The following CLDN8 variants were observed in gnomAD, a reference collection of about 807,000 sequenced individuals.
CLDN8 encodes claudin-8.
In CLDN8, 2 loss-of-function variants were observed where a neutral mutation model predicts 2.2. That is an observed-to-expected ratio of 0.90 (90% CI 0.37 to 2.82). CLDN8 has a LOEUF of 2.82. Among genes scored for constraint, CLDN8 ranks in the 30% most tolerant of loss-of-function variants. CLDN8 has a pLI of 0.10. For missense variants in CLDN8, 314 were observed against 280.5 expected (o/e 1.12, Z -0.85); for synonymous variants, 107 against 104.8 (o/e 1.02, Z -0.13).
In CLDN8 at chr21:30,214,562, T is replaced by C. The variant is rs761985571; in HGVS notation, c.*686A>G. ...ATGCAAAGCCCCTTGACAAAATATC[T>C]GCTTTTTAAAAATGTTAATTTAATA... On this transcript the variant is annotated 3_prime_UTR_variant, in exon 1 of 1. Coordinates refer to ENST00000399899, the MANE Select transcript of CLDN8 (RefSeq NM_199328.3). The C allele has an allele frequency of 2.0e-5, 3 of 152,136 alleles. No homozygotes were observed. Among genetic ancestry groups the C allele is most frequent in the Non-Finnish European group, 4.4e-5 (3 of 67,998 alleles). 9.4% of individuals were successfully genotyped at this position (152,136 alleles called of 1,614,324 possible).
Position 30,215,164 on chromosome 21 carries a change from T to C in CLDN8, c.*84A>G. Reference sequence around the variant, plus strand: ...GGCAGTTAAGAACAGTAAATCAAAGTTTCTTTGGGGTCCATTTTGAGAAAG... The same window carrying C: ...GGCAGTTAAGAACAGTAAATCAAAGCTTCTTTGGGGTCCATTTTGAGAAAG... On this transcript the variant is annotated 3_prime_UTR_variant, in exon 1 of 1. Transcript: ENST00000399899. The C allele has an allele frequency of 8.4e-7, 1 of 1,185,996 alleles. No individual in the cohort carries two copies. The highest frequency in any genetic ancestry group is 1.4e-5 in the South Asian group (1 of 69,548). 73.5% of individuals were successfully genotyped at this position (1,185,996 alleles called of 1,614,324 possible).
chr21:30,215,738 T>G lies in CLDN8; in HGVS notation c.188A>C (p.Gln63Pro), dbSNP rs1030402102. 6.2e-7 allele frequency: 1 copy of G among 1,614,004 alleles called. No individual in the cohort carries two copies. Residue 63 changes from glutamine (Q) to proline (P), a missense_variant, in exon 1 of 1, where the codon CAG (glutamine) becomes CCG (proline). By Grantham distance (76) the Gln-to-Pro change is moderately conservative. Coordinates refer to ENST00000399899, the MANE Select transcript of CLDN8 (RefSeq NM_199328.3). ...NCVRQANIRM[Q>P]CKIYDSLLAL... ...CAGCAGGGAATCATAGATTTTGCACTGCATCCTGATGTTAGCCTGCCTCAC... is the reference window on the plus strand; with the variant it reads ...CAGCAGGGAATCATAGATTTTGCACGGCATCCTGATGTTAGCCTGCCTCAC...
Position 30,215,515 on chromosome 21 carries a change from C to G in CLDN8, c.411G>C (p.Val137=). The change falls in exon 1 of 1, where the codon GTG becomes GTC. Residue 137 remains valine, a synonymous_variant. Transcript: ENST00000399899. ...IITGMVVLIP[V]SWVANAIIRD... Reference sequence around the variant, plus strand: ...TGATGATGGCATTGGCAACCCAGCTCACAGGGATGAGCACCACCATGCCCG... The same window carrying G: ...TGATGATGGCATTGGCAACCCAGCTGACAGGGATGAGCACCACCATGCCCG... 1 of 1,614,030 alleles carries G rather than the reference C, an allele frequency of 6.2e-7. No individual in the cohort carries two copies. Among genetic ancestry groups the G allele is most frequent in the Non-Finnish European group, 8.5e-7 (1 of 1,179,994 alleles).
Position 30,214,737 on chromosome 21 carries a change from CATTA to C in CLDN8, c.*507_*510del, listed in dbSNP as rs1978891868. On this transcript the variant is annotated 3_prime_UTR_variant, in exon 1 of 1. Coordinates refer to ENST00000399899, the MANE Select transcript of CLDN8 (RefSeq NM_199328.3). ...TTTAATCTTCATTATAAATGGAGGA[CATTA>C]ATCCCTAAGCTGTTTTTAAACAATT... 6.5e-6 allele frequency: 1 copy of C among 153,062 alleles called. No individual in the cohort carries two copies. The highest frequency in any genetic ancestry group is 1.5e-5 in the Non-Finnish European group (1 of 68,414). The allele number at this position is 153,062 out of a possible 1,614,324, so 9.5% of individuals were successfully genotyped here.
Position 30,215,306 on chromosome 21 carries a change from T to A in CLDN8, c.620A>T (p.Lys207Ile), listed in dbSNP as rs538422021. Residue 207 changes from lysine to isoleucine, a missense_variant, in exon 1 of 1, where the codon AAA becomes ATA. Physicochemically the swap from Lys to Ile is moderately radical, Grantham distance 102. Transcript: ENST00000399899. ...TGACTTCTTTCCGGTGTGATAACTT[T>A]TTTGGGTTGTGCGATGGGAAGGTAT... ...YSIPSHRTTQKSYHTGKKSPS... is the reference protein window; with the variant it reads ...YSIPSHRTTQISYHTGKKSPS... 42 of 1,614,190 alleles carry A rather than the reference T, an allele frequency of 2.6e-5. No homozygotes were observed. The East Asian group carries it at 8.9e-4, about 34-fold the overall frequency.
In CLDN8 at chr21:30,214,675, A is replaced by C. The variant is rs1325810972; in HGVS notation, c.*573T>G. The C allele has an allele frequency of 1.3e-5, 2 of 152,668 alleles. No homozygotes were observed. Among genetic ancestry groups the C allele is most frequent in the Non-Finnish European group, 2.9e-5 (2 of 68,038 alleles). 9.5% of individuals were successfully genotyped at this position (152,668 alleles called of 1,614,324 possible). On this transcript the variant is annotated 3_prime_UTR_variant, in exon 1 of 1. Coordinates refer to ENST00000399899, the MANE Select transcript of CLDN8 (RefSeq NM_199328.3). ...CTAAAAAACAGCATATCAGAAAGCC[A>C]TTCAATTTCCTTTACAATGCTGATT... is the stretch of plus-strand genomic sequence containing the variant.
In CLDN8 at chr21:30,215,338, T is replaced by A; in HGVS notation, c.588A>T (p.Arg196Ser). ...TTGTGCGATGGGAAGGTATCGAGTATCTGTAGCTACTGCTCTTTTCGTTGC... is the reference window on the plus strand; with the variant it reads ...TTGTGCGATGGGAAGGTATCGAGTAACTGTAGCTACTGCTCTTTTCGTTGC... ...FCCNEKSSSY[R>S]YSIPSHRTTQ... is the part of the protein sequence containing the mutation. Residue 196 changes from arginine (R) to serine (S), a missense_variant, in exon 1 of 1, where the codon AGA (arginine) becomes AGT (serine). Coordinates refer to ENST00000399899, the MANE Select transcript of CLDN8 (RefSeq NM_199328.3). 1 of 1,614,182 alleles carries A rather than the reference T, an allele frequency of 6.2e-7. No homozygotes were observed. Among genetic ancestry groups the A allele is most frequent in the Non-Finnish European group, 8.5e-7 (1 of 1,180,018 alleles).
rs1318260238 is a variant in CLDN8 at position 30,215,020 on chromosome 21, T to G, written c.*228A>C. The G allele has an allele frequency of 7.9e-6, 4 of 503,280 alleles. No homozygotes were observed. The highest frequency in any genetic ancestry group is 1.9e-5 in the African/African-American group (1 of 52,092). 31.2% of individuals were successfully genotyped at this position (503,280 alleles called of 1,614,324 possible). A position where few individuals can be genotyped will look rare whatever the true frequency, so the allele number is the denominator to read the frequency against. The stretch of plus-strand genomic sequence containing the variant: ...AAAAGAGTAGATGCTTGAACCACCT[T>G]AGAAAACAAATTACTATACTTTCTA... On this transcript the variant is annotated 3_prime_UTR_variant, in exon 1 of 1. Transcript: ENST00000399899.
Position 30,215,453 on chromosome 21 carries a change from T to G in CLDN8, c.473A>C (p.Lys158Thr). The stretch of plus-strand genomic sequence containing the variant: ...GTAGAGAGCTTCTCCAAGCTCACGT[T>G]TTTGGGCAACATTCACTATTGAGTT... ...FYNSIVNVAQ[K>T]RELGEALYLG... is the part of the protein sequence containing the mutation. Residue 158 changes from lysine (K) to threonine (T), a missense_variant, in exon 1 of 1, where the codon AAA becomes ACA. Lys to Thr is a moderately conservative substitution (Grantham distance 78). Transcript: ENST00000399899. 1 of 1,613,990 alleles carries G rather than the reference T, an allele frequency of 6.2e-7. No individual in the cohort carries two copies. Among genetic ancestry groups the G allele is most frequent in the Non-Finnish European group, 8.5e-7 (1 of 1,179,964 alleles).
At position 30,215,900 on chromosome 21, in the gene CLDN8, G is replaced by A. The variant is rs1200335966; in HGVS notation, c.26C>T (p.Ala9Val). ...TCCAACACCACCAAGAAACAGCCCAGCGATTTCTAAGGCATGGGTTGCCAT... is the reference window on the plus strand; with the variant it reads ...TCCAACACCACCAAGAAACAGCCCAACGATTTCTAAGGCATGGGTTGCCAT... MATHALEI[A>V]GLFLGGVGMV... Residue 9 changes from alanine (A) to valine (V), a missense_variant, in exon 1 of 1, where the codon GCT becomes GTT. Ala to Val is a moderately conservative substitution (Grantham distance 64). Coordinates refer to ENST00000399899, the MANE Select transcript of CLDN8 (RefSeq NM_199328.3). The A allele has an allele frequency of 6.2e-7, 1 of 1,609,278 alleles. No homozygotes were observed. The highest frequency in any genetic ancestry group is 1.1e-5 in the South Asian group (1 of 90,582).
Position 30,215,296 on chromosome 21 carries a change from G to C in CLDN8, c.630C>G (p.His210Gln). 1 of 1,613,778 alleles carries C rather than the reference G, an allele frequency of 6.2e-7. No homozygotes were observed. Among genetic ancestry groups the C allele is most frequent in the Non-Finnish European group, 8.5e-7 (1 of 1,179,896 alleles). Reference protein sequence around the residue: ...PSHRTTQKSYHTGKKSPSVYS... With the variant: ...PSHRTTQKSYQTGKKSPSVYS... Reference sequence around the variant, plus strand: ...AGACGCTCGGTGACTTCTTTCCGGTGTGATAACTTTTTTGGGTTGTGCGAT... The same window carrying C: ...AGACGCTCGGTGACTTCTTTCCGGTCTGATAACTTTTTTGGGTTGTGCGAT... Residue 210 changes from histidine (H) to glutamine (Q), a missense_variant, in exon 1 of 1, where the codon CAC becomes CAG. Physicochemically the swap from His to Gln is conservative, Grantham distance 24 (BLOSUM62 0). Transcript: ENST00000399899.
In CLDN8 at chr21:30,214,893, T is replaced by A. The variant is rs1444390908; in HGVS notation, c.*355A>T. 5.2e-6 allele frequency: 1 copy of A among 193,794 alleles called. No homozygotes were observed. Among genetic ancestry groups the A allele is most frequent in the African/African-American group, 2.3e-5 (1 of 42,644 alleles). 12.0% of individuals were successfully genotyped at this position (193,794 alleles called of 1,614,324 possible). A position where few individuals can be genotyped will look rare whatever the true frequency, so the allele number is the denominator to read the frequency against. On this transcript the variant is annotated 3_prime_UTR_variant, in exon 1 of 1. Coordinates refer to ENST00000399899, the MANE Select transcript of CLDN8 (RefSeq NM_199328.3). ...CATATAAGCATGTCTCTATGTGAGATATAAATGTTACACTCATCTATGTAC... is the reference window on the plus strand; with the variant it reads ...CATATAAGCATGTCTCTATGTGAGAAATAAATGTTACACTCATCTATGTAC...
Position 30,215,350 on chromosome 21 carries a change from G to T in CLDN8, c.576C>A (p.Ser192Arg), listed in dbSNP as rs1978926028. The T allele has an allele frequency of 6.2e-7, 1 of 1,614,140 alleles. No homozygotes were observed. Among genetic ancestry groups the T allele is most frequent in the Non-Finnish European group, 8.5e-7 (1 of 1,180,018 alleles). ...FCCVFCCNEK[S>R]SSYRYSIPSH... The stretch of plus-strand genomic sequence containing the variant: ...AAGGTATCGAGTATCTGTAGCTACT[G>T]CTCTTTTCGTTGCAACAAAAAACGC... The change falls in exon 1 of 1, where the codon AGC (serine) becomes AGA (arginine). Residue 192 changes from serine (S) to arginine (R), a missense_variant. By Grantham distance (110) the Ser-to-Arg change is moderately radical. Transcript: ENST00000399899.
rs1446468030 is a variant in CLDN8 at position 30,214,624 on chromosome 21, A to G, written c.*624T>C. 6.6e-6 allele frequency: 1 copy of G among 152,496 alleles called. No homozygotes were observed. The highest frequency in any genetic ancestry group is 2.4e-5 in the African/African-American group (1 of 41,446). 9.4% of individuals were successfully genotyped at this position (152,496 alleles called of 1,614,324 possible). ...AAAAGCCTCTGGGAGAAGAGGATAA[A>G]GAAGTTAGGATTTCTAACTCCTAGG... is the stretch of plus-strand genomic sequence containing the variant. On this transcript the variant is annotated 3_prime_UTR_variant, in exon 1 of 1. Coordinates refer to ENST00000399899, the MANE Select transcript of CLDN8 (RefSeq NM_199328.3).
Position 30,215,362 on chromosome 21 carries a change from G to C in CLDN8, c.564C>G (p.Cys188Trp). 1 of 1,614,116 alleles carries C rather than the reference G, an allele frequency of 6.2e-7. No homozygotes were observed. Among genetic ancestry groups the C allele is most frequent in the South Asian group, 1.1e-5 (1 of 91,086 alleles). The change falls in exon 1 of 1, where the codon TGC becomes TGG. Residue 188 changes from cysteine to tryptophan, a missense_variant. Transcript: ENST00000399899. ...GGALFCCVFC[C>W]NEKSSSYRYS... Reference sequence around the variant, plus strand: ...ATCTGTAGCTACTGCTCTTTTCGTTGCAACAAAAAACGCAGCAGAACAGAG... The same window carrying C: ...ATCTGTAGCTACTGCTCTTTTCGTTCCAACAAAAAACGCAGCAGAACAGAG...
chr21:30,215,258 T>C lies in CLDN8; in HGVS notation c.668A>G (p.Gln223Arg), dbSNP rs759095576. The change falls in exon 1 of 1, where the codon CAG (glutamine) becomes CGG (arginine). Residue 223 changes from glutamine (Q) to arginine (R), a missense_variant. Physicochemically the swap from Gln to Arg is conservative, Grantham distance 43. Transcript: ENST00000399899. ...AAAAAACATACACAACTACACATAC[T>C]GACTTCTGGAGTAGACGCTCGGTGA... ...KKSPSVYSRS[Q>R]YV The C allele has an allele frequency of 2.5e-5, 40 of 1,613,870 alleles. No homozygotes were observed. The highest frequency in any genetic ancestry group is 3.3e-5 in the Non-Finnish European group (39 of 1,179,854).
rs1978968099 is a variant in CLDN8 at position 30,215,879 on chromosome 21, A to G, written c.47T>C (p.Val16Ala). 6.2e-7 allele frequency: 1 copy of G among 1,611,742 alleles called. No individual in the cohort carries two copies. The highest frequency in any genetic ancestry group is 8.5e-7 in the Non-Finnish European group (1 of 1,178,938). Reference sequence around the variant, plus strand: ...GACAGCCACTGTGCCCACCATTCCAACACCACCAAGAAACAGCCCAGCGAT... The same window carrying G: ...GACAGCCACTGTGCCCACCATTCCAGCACCACCAAGAAACAGCCCAGCGAT... ...LEIAGLFLGG[V>A]GMVGTVAVTV... Residue 16 changes from valine to alanine, a missense_variant, in exon 1 of 1, where the codon GTT becomes GCT. Physicochemically the swap from Val to Ala is moderately conservative, Grantham distance 64. Transcript: ENST00000399899.
chr21:30,214,767 A>G lies in CLDN8; in HGVS notation c.*481T>C, dbSNP rs1010134843. The G allele has an allele frequency of 6.5e-6, 1 of 154,120 alleles. No individual in the cohort carries two copies. The highest frequency in any genetic ancestry group is 2.0e-4 in the South Asian group (1 of 4,920). The allele number at this position is 154,120 out of a possible 1,614,324, so 9.5% of individuals were successfully genotyped here. On this transcript the variant is annotated 3_prime_UTR_variant, in exon 1 of 1. Coordinates refer to ENST00000399899, the MANE Select transcript of CLDN8 (RefSeq NM_199328.3). The stretch of plus-strand genomic sequence containing the variant: ...ATCCCTAAGCTGTTTTTAAACAATT[A>G]ATAGTAACCTTCTTCAACCCTATCC...
At position 30,215,796 on chromosome 21, in the gene CLDN8, C is replaced by CA. The variant is rs750983909; in HGVS notation, c.129dup (p.Glu44Ter). 2.4e-5 allele frequency: 39 copies of CA among 1,613,932 alleles called. No homozygotes were observed. The South Asian group carries it at 4.3e-4, about 18-fold the overall frequency. On this transcript the variant is annotated frameshift_variant, in exon 1 of 1. Coordinates refer to ENST00000399899, the MANE Select transcript of CLDN8 (RefSeq NM_199328.3). LOFTEE classifies it low-confidence loss of function (END_TRUNC). ...ATCCACAGTCCTTCCCAGAAGTTTT[C>CA]AAAAACCACGATGTTGTTTTCAATG... is the stretch of plus-strand genomic sequence containing the variant.
Sources: gnomAD v4.1 joint callset for allele counts on GRCh38, gnomAD v4.1.1 for gene constraint, MANE v1.5 for transcripts, NCBI Gene and HGNC (gene_info 2026-07-23, HGNC 2026-07-21) for gene names.